Variants in ATP8B4 observed in about 807,000 individuals in gnomAD.
ATP8B4 encodes the protein probable phospholipid-transporting ATPase IM.
In ATP8B4, 133 loss-of-function variants were observed where a neutral mutation model predicts 145.6. The ratio of observed to expected loss-of-function variants is 0.91; its 90% CI spans 0.79 to 1.05. ATP8B4 has a LOEUF of 1.05. ATP8B4 is among the 50% of genes least tolerant of loss of function. The pLI, the probability that ATP8B4 is intolerant of heterozygous loss-of-function variation, is 0.00. For synonymous variants in ATP8B4, 507 were observed against 492.9 expected, an observed-to-expected ratio of 1.03 and a Z score of -0.38; for missense variants, 1,458 against 1,425.2, an observed-to-expected ratio of 1.02 and a Z score of -0.37.
chr15:50,142,165 G>A (rs181317682), intron 1 of ATP8B4, among the ~76,000 whole-genome samples: 4 of 152,322 alleles, frequency 2.6e-5, no homozygotes, highest in Admixed American at 6.5e-5. Context: ...TGATGCTGAA[G>A]AAGTAGGTCC....
At chr15:50,019,111 A>G in intron 6 of ATP8B4, 1 of 482,006 alleles carries the variant, frequency 2.1e-6, no homozygotes. Context: ...ACTTTTTAGG[A>G]ACAATCTTGA....
rs1049089362 is a variant in ATP8B4 at position 50,174,045 on chromosome 15, C to T, written c.-43+8216G>A. ...TAAACAGAATTAAAAACAAAAATCA[C>T]ATGATCATCTCAATAGATGCAGAAA... On this transcript the variant is annotated intron_variant, in intron 1 of 3. Coordinates refer to the ATP8B4 transcript ENST00000558829. 4.6e-5 allele frequency among the ~76,000 whole-genome samples: 7 copies of T among 152,304 alleles called. No homozygotes were observed. The East Asian group carries it at 1.3e-3, about 29-fold the overall frequency.
chr15:50,044,436 C>T (rs1420870711), intron 5 of ATP8B4, among the ~76,000 whole-genome samples, 158 bp downstream of exon 5: 5 of 152,234 alleles, frequency 3.3e-5, no homozygotes, highest in Non-Finnish European at 7.3e-5. Flanking sequence ...TCTGGTTTTA[C>T]AGCACCTGTA....
intron 24 of ATP8B4, among the ~76,000 whole-genome samples, chr15:49,878,765 A>G (rs1329597981): frequency 6.6e-6 from 1 of 152,146 alleles, no homozygotes; most frequent in African/African-American, 2.4e-5. Flanking sequence ...TTCCTTGGCC[A>G]TGGAGCTTCT....
rs1595637509 is a variant in ATP8B4 at position 50,138,405 on chromosome 15, G to GAC, written c.-42-31398_-42-31397insGT. 1.4e-4 allele frequency among the ~76,000 whole-genome samples: 15 copies of GAC among 106,808 alleles called. No homozygotes were observed. The East Asian group carries it at 1.9e-3, about 14-fold the overall frequency. 70.1% of individuals were successfully genotyped at this position (106,808 alleles called of 152,430 possible). The stretch of plus-strand genomic sequence containing the variant: ...CATGATAGACAGACAGACAGACAGA[G>GAC]AGATGATAGATAGATAGAGAGATAG... On this transcript the variant is annotated intron_variant, in intron 1 of 3. Transcript: ENST00000558829.
At chr15:50,165,768 A>G (rs962327507) in intron 1 of ATP8B4, among the ~76,000 whole-genome samples, 2 of 111,978 alleles carry the variant, frequency 1.8e-5, no homozygotes, top group Admixed American at 9.3e-5. Context: ...CAAAATTGAA[A>G]CACAGAAAGA....
chr15:49,923,118 G>A (rs527815981), intron 17 of ATP8B4, among the ~76,000 whole-genome samples: 2 of 152,100 alleles, frequency 1.3e-5, no homozygotes, highest in African/African-American at 4.8e-5. Context: ...TTCCCTAGAC[G>A]CCCACATTCT....
intron 25 of ATP8B4, among the ~76,000 whole-genome samples, chr15:49,874,813 T>C (rs1245987472): frequency 1.3e-5 from 2 of 152,188 alleles, no homozygotes; most frequent in Non-Finnish European, 2.9e-5. Context: ...TGTGATAGTT[T>C]CTGTGGGCTC....
intron 6 of ATP8B4, among the ~76,000 whole-genome samples, chr15:50,034,195 T>G (rs1469998584): frequency 6.6e-6 from 1 of 151,872 alleles, no homozygotes. Context: ...TATAGATGCT[T>G]GCCATTTTGG....
At chr15:49,860,581 A>T (rs2031488729) in intron 27 of ATP8B4, 106 bp from the exon 28 acceptor site, 11 of 1,313,862 alleles carry the variant, frequency 8.4e-6, no homozygotes, top group Admixed American at 5.3e-5. Flanking sequence ...AGTAAAAACA[A>T]CATTGCAAAA....
intron 8 of ATP8B4, among the ~76,000 whole-genome samples, chr15:49,998,725 C>A (rs1225231949): frequency 1.3e-5 from 2 of 152,198 alleles, no homozygotes; most frequent in Admixed American, 1.3e-4. Flanking sequence ...TTTTGCTGTG[C>A]AGAAGCTCTT....
At chr15:49,999,008 A>G (rs1291901803) in intron 8 of ATP8B4, among the ~76,000 whole-genome samples, 2 of 152,248 alleles carry the variant, frequency 1.3e-5, no homozygotes, top group East Asian at 3.9e-4. Context: ...TCCTTTCCCC[A>G]TTGCTTGTTT....
chr15:50,052,689 T>C (rs1025563439), intron 3 of ATP8B4, among the ~76,000 whole-genome samples: 1 of 152,170 alleles, frequency 6.6e-6, no homozygotes, highest in African/African-American at 2.4e-5. Flanking sequence ...TCATTGCTTC[T>C]CTAAAATATT....
intron 7 of ATP8B4, among the ~76,000 whole-genome samples, chr15:50,010,021 T>C (rs1268199558): frequency 6.6e-6 from 1 of 152,172 alleles, no homozygotes; most frequent in Non-Finnish European, 1.5e-5. Context: ...AGTGAATGTT[T>C]AGGACTCTTA....
chr15:50,078,344 C>T (rs2054320701), intron 2 of ATP8B4, among the ~76,000 whole-genome samples: 1 of 151,814 alleles, frequency 6.6e-6, no homozygotes, highest in African/African-American at 2.4e-5. Context: ...CCATACCCAG[C>T]ACCTCAAAGA....
chr15:49,952,419 G>C (rs544804940), intron 14 of ATP8B4, among the ~76,000 whole-genome samples: 1 of 151,564 alleles, frequency 6.6e-6, no homozygotes, highest in South Asian at 2.1e-4. Context: ...CTCTATTCTT[G>C]TCTGCTTGTC....
chr15:50,138,359 T>TAGATAGAC (rs1395236738), intron 1 of ATP8B4, among the ~76,000 whole-genome samples: 4 of 89,012 alleles, frequency 4.5e-5, no homozygotes, highest in Non-Finnish European at 1.1e-4. Context: ...GATAGATAGA[T>TAGATAGAC]AGATAGATAG....
At chr15:50,087,751 G>A (rs1313067529) in intron 2 of ATP8B4, among the ~76,000 whole-genome samples, 2 of 151,956 alleles carry the variant, frequency 1.3e-5, no homozygotes, top group Non-Finnish European at 2.9e-5. Context: ...TCACAAAGGT[G>A]AAAATTTTTT....
intron 6 of ATP8B4, among the ~76,000 whole-genome samples, chr15:50,034,520 C>T (rs574025851): frequency 6.6e-6 from 1 of 152,272 alleles, no homozygotes; most frequent in East Asian, 1.9e-4. Context: ...TGAGCCACCA[C>T]ACCCGGCCAT....
Sources: allele counts gnomAD v4.1 joint callset (sites outside exome capture counted in the v4.1 genomes callset), GRCh38; gene constraint gnomAD v4.1.1; transcripts MANE v1.5; gene names NCBI Gene and HGNC (gene_info 2026-07-23, HGNC 2026-07-21).